Variants in RBPJ observed in about 807,000 individuals in gnomAD.
The protein encoded by RBPJ is recombining binding protein suppressor of hairless.
In RBPJ, 9 loss-of-function variants were observed where a neutral mutation model predicts 67.8. The ratio of observed to expected loss-of-function variants is 0.13; its 90% confidence interval spans 0.08 to 0.23. The LOEUF (loss-of-function observed/expected upper bound fraction) is 0.23. RBPJ is among the 10% of genes least tolerant of loss of function. The pLI is 1.00. For missense variants in RBPJ, 305 were observed against 595.6 expected (o/e 0.51, Z 5.08); for synonymous variants, 198 against 203.3 (o/e 0.97, Z 0.22).
chr4:26,384,934 TTCCCCTCTCCCCTCCCCTCTCCCC>T (rs1300546744), intron 1 of RBPJ, among the ~76,000 whole-genome samples: 4 of 4,138 alleles, frequency 9.7e-4, no homozygotes, highest in African/African-American at 4.7e-3. Context: ...CCCCTCTCTC[TTCCCCTCTCCCCTCCCCTCTCCCC>T]TCCCCTCTCC....
intron 1 of RBPJ, among the ~76,000 whole-genome samples, chr4:26,292,719 G>T (rs1577395990): frequency 6.6e-6 from 1 of 150,514 alleles, no homozygotes; most frequent in East Asian, 2.0e-4. Flanking sequence ...ACTGAGCCTG[G>T]CCAAAATCCT....
intron 2 of RBPJ, among the ~76,000 whole-genome samples, chr4:26,398,987 C>T (rs1022385880): frequency 1.3e-5 from 2 of 152,122 alleles, no homozygotes; most frequent in African/African-American, 4.8e-5. Context: ...GGTTTTTTTG[C>T]AGTGCATCTT....
At chr4:26,279,975 A>G (rs1560241726) in intron 1 of RBPJ, among the ~76,000 whole-genome samples, 1 of 151,426 alleles carries the variant, frequency 6.6e-6, no homozygotes. Flanking sequence ...TTTTGCAGAG[A>G]CAGGTTTTGC....
intron 1 of RBPJ, among the ~76,000 whole-genome samples, chr4:26,207,834 A>T (rs921610824): frequency 6.6e-6 from 1 of 152,230 alleles, no homozygotes; most frequent in Non-Finnish European, 1.5e-5. Context: ...GGAAACCACA[A>T]CAACACACCA....
chr4:26,110,935 G>T, the RBPJ span, among the ~76,000 whole-genome samples: 1 of 152,192 alleles, frequency 6.6e-6, no homozygotes, highest in Admixed American at 6.5e-5. This position sits in a 1 kb window ranked among gnomAD's most constrained non-coding sequence, Gnocchi z 4.5. Context: ...CCAATATTTT[G>T]TTAAGTCACT....
chr4:26,255,406 A>AC lies in RBPJ; in HGVS notation c.-167+91792_-167+91793insC, dbSNP rs1389147011. On this transcript the variant is annotated intron_variant, in intron 1 of 4. Coordinates refer to the RBPJ transcript ENST00000512351. The stretch of plus-strand genomic sequence containing the variant: ...GCGACAGAGCGAGACTCCGTCTCAA[A>AC]AAAAAAAAAAAAAAAAAAAAGTAAT... 5.4e-4 allele frequency among the ~76,000 whole-genome samples: 79 copies of AC among 146,316 alleles called. 2 individuals carry two copies. The highest frequency in any genetic ancestry group is 2.0e-3 in the African/African-American group (77 of 39,430).
chr4:26,259,019 G>T (rs62409729), intron 1 of RBPJ, among the ~76,000 whole-genome samples: 1 of 152,012 alleles, frequency 6.6e-6, no homozygotes, highest in Non-Finnish European at 1.5e-5. Flanking sequence ...GGCCAGGATA[G>T]TCTCAACCTC....
At chr4:26,192,714 T>G (rs913034896) in intron 1 of RBPJ, among the ~76,000 whole-genome samples, 1 of 152,300 alleles carries the variant, frequency 6.6e-6, no homozygotes, top group Admixed American at 6.5e-5. Context: ...CCCACCAGTT[T>G]AGGTTTAACC....
intron 1 of RBPJ, among the ~76,000 whole-genome samples, chr4:26,344,016 G>A (rs998671868): frequency 6.6e-6 from 1 of 151,750 alleles, no homozygotes; most frequent in Non-Finnish European, 1.5e-5. Flanking sequence ...CTCCCAAAGT[G>A]CTGGGATTAC....
intron 1 of RBPJ, among the ~76,000 whole-genome samples, chr4:26,381,172 G>A (rs1469528864): frequency 6.6e-6 from 1 of 151,364 alleles, no homozygotes; most frequent in East Asian, 1.9e-4. Context: ...TTAAGATGGT[G>A]TAGTTTTGAT....
At chr4:26,200,663 A>G (rs1329018481) in intron 1 of RBPJ, among the ~76,000 whole-genome samples, 1 of 137,462 alleles carries the variant, frequency 7.3e-6, no homozygotes, top group Non-Finnish European at 1.6e-5. Context: ...TCTATCTGAA[A>G]AAAAAAAGAA....
rs1243697294 is a variant in RBPJ at position 26,291,173 on chromosome 4, A to G, written c.-166-71273A>G. ...GGAACAATCCAGAGTCCAGAGAAAG[A>G]GGCGAGTAGGGGGAGAAGCCACTTG... On this transcript the variant is annotated intron_variant, in intron 1 of 4. Coordinates refer to the RBPJ transcript ENST00000512351. Among the ~76,000 whole-genome samples the G allele has an allele frequency of 1.3e-5, 2 of 151,046 alleles. 1 individual carries two copies. The highest frequency in any genetic ancestry group is 3.0e-5 in the Non-Finnish European group (2 of 67,674).
At chr4:26,194,625 C>T (rs1313009553) in intron 1 of RBPJ, among the ~76,000 whole-genome samples, 1 of 152,212 alleles carries the variant, frequency 6.6e-6, no homozygotes. Context: ...TAGGCCCCCA[C>T]CTATCACCAC....
intron 1 of RBPJ, among the ~76,000 whole-genome samples, chr4:26,342,933 A>C (rs1405578350): frequency 6.6e-6 from 1 of 152,062 alleles, no homozygotes; most frequent in African/African-American, 2.4e-5. Context: ...CATGTCATCC[A>C]TTCTTTCTAT....
chr4:26,179,926 A>G (rs1168503402), intron 1 of RBPJ, among the ~76,000 whole-genome samples: 2 of 152,216 alleles, frequency 1.3e-5, no homozygotes, highest in Non-Finnish European at 2.9e-5. Context: ...ATCAACCTAA[A>G]TGTCCATCAA....
At chr4:26,211,648 T>G (rs1340427156) in intron 1 of RBPJ, among the ~76,000 whole-genome samples, 1 of 152,162 alleles carries the variant, frequency 6.6e-6, no homozygotes, top group Admixed American at 6.6e-5. Context: ...GGTGGGAACA[T>G]GAGGGACAAC....
chr4:26,220,483 T>C (rs1718865106), intron 1 of RBPJ, among the ~76,000 whole-genome samples: 1 of 152,182 alleles, frequency 6.6e-6, no homozygotes, highest in Admixed American at 6.5e-5. Flanking sequence ...TGGGGTATAT[T>C]AGTGAACAAA....
intron 1 of RBPJ, among the ~76,000 whole-genome samples, chr4:26,291,345 C>T (rs1721660446): frequency 7.1e-6 from 1 of 141,708 alleles, no homozygotes; most frequent in Non-Finnish European, 1.6e-5. Context: ...ATAGAGAAAA[C>T]TTCAAAATTT....
At chr4:26,174,224 T>C (rs1319027823) in intron 1 of RBPJ, among the ~76,000 whole-genome samples, 1 of 152,212 alleles carries the variant, frequency 6.6e-6, no homozygotes, top group East Asian at 1.9e-4. Flanking sequence ...TTCCACTTAC[T>C]AGTGAGATGA....
Sources: gnomAD v4.1 joint callset for allele counts (sites outside exome capture counted in the v4.1 genomes callset) on GRCh38, gnomAD v4.1.1 for gene constraint, Gnocchi (gnomAD v3.1) non-coding constraint, MANE v1.5 for transcripts, NCBI Gene and HGNC (gene_info 2026-07-23, HGNC 2026-07-21) for gene names.